The following PDE1C variants were observed in gnomAD, a reference collection of about 807,000 sequenced individuals.
PDE1C encodes phosphodiesterase 1C, also known as dual specificity calcium/calmodulin-dependent 3',5'-cyclic nucleotide phosphodiesterase 1C.
Under a neutral mutation model 93.1 loss-of-function variants are expected in PDE1C, and 62 were observed. That is an observed-to-expected ratio of 0.67 (90% CI 0.54 to 0.82). PDE1C has a LOEUF of 0.82. PDE1C is among the 40% of genes least tolerant of loss of function. The probability of loss-of-function intolerance (pLI) is 0.00; values close to 1 mark genes in which losing one functional copy is unlikely to be tolerated. For synonymous variants in PDE1C, 325 were observed against 310.1 expected (o/e 1.05, Z -0.50); for missense variants, 742 against 884.6 (o/e 0.84, Z 2.04).
intron 1 of PDE1C, among the ~76,000 whole-genome samples, chr7:32,313,313 A>C (rs981330715): frequency 2.0e-5 from 3 of 149,268 alleles, no homozygotes; most frequent in South Asian, 2.1e-4. Context: ...GTGGGACTGT[A>C]AACTAGTTCA....
intron 1 of PDE1C, among the ~76,000 whole-genome samples, chr7:32,262,804 T>C (rs771551803): frequency 2.0e-5 from 3 of 151,786 alleles, no homozygotes; most frequent in Non-Finnish European, 2.9e-5. Flanking sequence ...AAGATTAAAG[T>C]TGATTTTTAG....
intron 3 of PDE1C, among the ~76,000 whole-genome samples, chr7:32,081,489 T>C (rs1796658853): frequency 6.6e-6 from 1 of 152,230 alleles, no homozygotes; most frequent in Non-Finnish European, 1.5e-5. Context: ...ATCAGACTTA[T>C]TTGCCATGGA....
At chr7:31,991,273 C>T (rs1190685274) in intron 2 of PDE1C, among the ~76,000 whole-genome samples, 1 of 152,130 alleles carries the variant, frequency 6.6e-6, no homozygotes, top group Non-Finnish European at 1.5e-5. Flanking sequence ...AAACACTGGG[C>T]AATGGTCAAA....
At chr7:32,094,921 T>A (rs1797671130) in intron 3 of PDE1C, among the ~76,000 whole-genome samples, 1 of 152,140 alleles carries the variant, frequency 6.6e-6, no homozygotes, top group South Asian at 2.1e-4. Flanking sequence ...CATGAGCAGC[T>A]CCTTCACAGC....
At chr7:32,047,062 AGTGTGTGTGT>A (rs59580872) in intron 2 of PDE1C, among the ~76,000 whole-genome samples, 1 of 145,868 alleles carries the variant, frequency 6.9e-6, no homozygotes, top group African/African-American at 2.5e-5. Context: ...TGCGAGACAG[AGTGTGTGTGT>A]GTGTGTGTGT....
intron 3 of PDE1C, among the ~76,000 whole-genome samples, chr7:32,112,006 A>G (rs887105403): frequency 6.6e-6 from 1 of 152,230 alleles, no homozygotes; most frequent in Non-Finnish European, 1.5e-5. Flanking sequence ...CAATAATATT[A>G]TCCTTCAGTT....
At chr7:32,340,319 T>C (rs1238545473) in intron 1 of PDE1C, among the ~76,000 whole-genome samples, 5 of 152,066 alleles carry the variant, frequency 3.3e-5, no homozygotes, top group Non-Finnish European at 7.4e-5. Context: ...ATGCTGATGT[T>C]GCCCCCAAAG....
chr7:32,217,660 G>T (rs1470329132), intron 1 of PDE1C, among the ~76,000 whole-genome samples: 1 of 152,204 alleles, frequency 6.6e-6, no homozygotes, highest in African/African-American at 2.4e-5. Flanking sequence ...GGGGGAAAAT[G>T]AAGGGAGGAG....
chr7:31,980,545 C>T (rs2392013), intron 2 of PDE1C, among the ~76,000 whole-genome samples: 98,007 of 152,014 alleles, frequency 0.64, 32,674 homozygotes, highest in African/African-American at 0.83. Flanking sequence ...CAAGCAGGTT[C>T]TCACTCTCCT....
intron 1 of PDE1C, among the ~76,000 whole-genome samples, chr7:32,356,161 C>G (rs1248920857): frequency 6.6e-6 from 1 of 152,166 alleles, no homozygotes; most frequent in African/African-American, 2.4e-5. Context: ...TGGTAGAGGA[C>G]AGGGATAAAA....
At chr7:32,220,461 G>T (rs1308659943) in intron 1 of PDE1C, among the ~76,000 whole-genome samples, 1 of 152,126 alleles carries the variant, frequency 6.6e-6, no homozygotes, top group African/African-American at 2.4e-5. Context: ...TTGAAACCCA[G>T]TCTGTGAGCC....
chr7:32,334,243 A>G (rs1783568827), intron 1 of PDE1C, among the ~76,000 whole-genome samples: 1 of 152,158 alleles, frequency 6.6e-6, no homozygotes, highest in Non-Finnish European at 1.5e-5. Context: ...ATAAATAAAG[A>G]TCCTTAATTT....
chr7:31,892,679 T>G (rs1191350452), intron 2 of PDE1C, among the ~76,000 whole-genome samples: 1 of 152,154 alleles, frequency 6.6e-6, no homozygotes, highest in South Asian at 2.1e-4. Context: ...AGTTTGATTT[T>G]TTTTTAGATC....
intron 2 of PDE1C, among the ~76,000 whole-genome samples, chr7:31,995,571 T>C (rs1784620263): frequency 6.6e-6 from 1 of 152,200 alleles, no homozygotes; most frequent in Non-Finnish European, 1.5e-5. Flanking sequence ...AGTTTTTTAT[T>C]GTTGTGCTTT....
chr7:32,128,470 T>C (rs1488422860), intron 3 of PDE1C, among the ~76,000 whole-genome samples: 1 of 151,906 alleles, frequency 6.6e-6, no homozygotes, highest in Non-Finnish European at 1.5e-5. Flanking sequence ...TTCTTACACT[T>C]CAATAAGACA....
chr7:32,143,674 T>C (rs1422537665), intron 3 of PDE1C, among the ~76,000 whole-genome samples: 1 of 152,184 alleles, frequency 6.6e-6, no homozygotes, highest in Non-Finnish European at 1.5e-5. Flanking sequence ...AGCTCAAGAC[T>C]CACATTTTAA....
chr7:32,380,262 G>C (rs1784508642), intron 1 of PDE1C, among the ~76,000 whole-genome samples: 1 of 150,480 alleles, frequency 6.6e-6, no homozygotes, highest in Non-Finnish European at 1.5e-5. Context: ...TTTTGAGATG[G>C]AGCCTCGCTC....
intron 15 of PDE1C, among the ~76,000 whole-genome samples, chr7:31,815,615 A>G (rs1788140684): frequency 6.6e-6 from 1 of 151,896 alleles, no homozygotes; most frequent in Non-Finnish European, 1.5e-5. Context: ...CTTTACACTC[A>G]GGAATGTGCT....
At chr7:32,169,179 T>G (rs565694394) in intron 3 of PDE1C, among the ~76,000 whole-genome samples, 1 of 152,316 alleles carries the variant, frequency 6.6e-6, no homozygotes, top group African/African-American at 2.4e-5. Flanking sequence ...CAGATTGATT[T>G]TTATTTAATA....
Sources: gnomAD v4.1 joint callset for allele counts (sites outside exome capture counted in the v4.1 genomes callset) on GRCh38, gnomAD v4.1.1 for gene constraint, MANE v1.5 for transcripts, NCBI Gene and HGNC (gene_info 2026-07-23, HGNC 2026-07-21) for gene names.